Variants in DAB2IP observed in about 807,000 individuals in gnomAD.
DAB2IP encodes the protein DAB2 interacting protein, also known as disabled homolog 2-interacting protein.
DAB2IP carries 28 observed loss-of-function variants against 107.2 expected under a neutral mutation model. The observed-to-expected ratio is 0.26, with a 90% CI of 0.19 to 0.36. The LOEUF (loss-of-function observed/expected upper bound fraction) is 0.36. Ranked by LOEUF, DAB2IP falls within the 10% of genes least tolerant of loss-of-function variation. The pLI is 1.00. For synonymous variants in DAB2IP, 755 were observed against 706.4 expected, an observed-to-expected ratio of 1.07 and a Z score of -1.09; for missense variants, 1,400 against 1,644.7, an observed-to-expected ratio of 0.85 and a Z score of 2.57.
At chr9:121,683,696 G>C (rs1828713460) in intron 2 of DAB2IP, among the ~76,000 whole-genome samples, 2 of 152,170 alleles carry the variant, frequency 1.3e-5, no homozygotes. Context: ...ACTTTTATTG[G>C]TGCTTGGTTG....
rs1350687447 is a variant in DAB2IP, at chr9:121,635,912, G to A, written c.41-42766G>A. On this transcript the variant is annotated intron_variant, in intron 1 of 16. Coordinates refer to the DAB2IP transcript ENST00000259371. This position sits in a 1 kb window ranked among gnomAD's most constrained non-coding sequence, Gnocchi z 4.3. ...CCTGTTTAGATGTCTTTTTTGGGGG[G>A]GGGTCTGGGGGATGGAGTCTTGCTC... Among the ~76,000 whole-genome samples the A allele has an allele frequency of 6.6e-6, 1 of 152,038 alleles. No individual in the cohort carries two copies. Among genetic ancestry groups the A allele is most frequent in the African/African-American group, 2.4e-5 (1 of 41,406 alleles).
intron 11 of DAB2IP, among the ~76,000 whole-genome samples, chr9:121,771,401 G>A (rs1834720914): frequency 6.6e-6 from 1 of 152,198 alleles, no homozygotes; most frequent in South Asian, 2.1e-4. Context: ...GGCCGCAGCT[G>A]TAGCAGCAGA....
At chr9:121,716,620 C>T (rs761795459) in intron 3 of DAB2IP, among the ~76,000 whole-genome samples, 4 of 152,212 alleles carry the variant, frequency 2.6e-5, no homozygotes, top group Non-Finnish European at 5.9e-5. Context: ...CCCGTCCCAG[C>T]ACCCCAGTGT....
chr9:121,666,964 G>C (rs1310796644), intron 1 of DAB2IP, among the ~76,000 whole-genome samples: 1 of 151,118 alleles, frequency 6.6e-6, no homozygotes, highest in East Asian at 2.0e-4. Flanking sequence ...ACAGCTCTTC[G>C]TCTGGAAAGT....
intron 2 of DAB2IP, among the ~76,000 whole-genome samples, chr9:121,683,577 T>C (rs989473342): frequency 2.0e-5 from 3 of 152,118 alleles, no homozygotes; most frequent in African/African-American, 7.2e-5. Context: ...GAAGGAGAAG[T>C]GTCAGGGAGG....
At chr9:121,765,094 G>A (rs895031467) in intron 8 of DAB2IP, among the ~76,000 whole-genome samples, 8 of 152,196 alleles carry the variant, frequency 5.3e-5, no homozygotes, top group African/African-American at 1.9e-4. Flanking sequence ...CCTCAAGATG[G>A]GCCACAAATG....
chr9:121,696,301 C>G (rs1269256300), intron 2 of DAB2IP, among the ~76,000 whole-genome samples: 3 of 152,178 alleles, frequency 2.0e-5, no homozygotes, highest in South Asian at 2.1e-4. Context: ...TGGTTCTTAG[C>G]CACTGGGCTG....
intron 1 of DAB2IP, among the ~76,000 whole-genome samples, chr9:121,587,614 G>GA (rs368945381): frequency 0.045 from 3,920 of 87,832 alleles, 76 homozygotes; most frequent in African/African-American, 0.081. Context: ...GTCTCGAAAA[G>GA]AAAAAAAAAA....
At chr9:121,613,800 T>G (rs1831172041) in intron 1 of DAB2IP, among the ~76,000 whole-genome samples, 1 of 152,230 alleles carries the variant, frequency 6.6e-6, no homozygotes, top group South Asian at 2.1e-4. Context: ...CTTTTAAATA[T>G]TCAGAACAAA....
chr9:121,764,790 C>T (rs1834151265), intron 8 of DAB2IP, among the ~76,000 whole-genome samples: 1 of 152,238 alleles, frequency 6.6e-6, no homozygotes, highest in Non-Finnish European at 1.5e-5. Context: ...GCACCTTCCC[C>T]TGCATACACT....
intron 1 of DAB2IP, among the ~76,000 whole-genome samples, chr9:121,661,666 C>T (rs1034915804): frequency 8.5e-5 from 13 of 152,246 alleles, no homozygotes; most frequent in Admixed American, 6.5e-4. Context: ...CCTCCATCTA[C>T]ATGAAACAAC....
chr9:121,776,284 G>A lies in DAB2IP; in HGVS notation c.3207G>A (p.Thr1069=), dbSNP rs147553080. Residue 1069 remains threonine, a synonymous_variant, in exon 14 of 16, where the codon ACG becomes ACA. Transcript: ENST00000408936. The surrounding 1 kb of genome is among the most constrained non-coding windows in gnomAD (Gnocchi z 5.4). ...CCCTGTTCAAGTGCCAGGAGGAGAC[G>A]ACGCAGAAGCTGGTGCTGGAGTACC... The A allele has an allele frequency of 1.6e-4, 260 of 1,581,448 alleles. No homozygotes were observed. The highest frequency in any genetic ancestry group is 2.1e-4 in the Non-Finnish European group (239 of 1,163,814).
At chr9:121,631,898 G>A (rs1831901368) in intron 1 of DAB2IP, among the ~76,000 whole-genome samples, 1 of 152,100 alleles carries the variant, frequency 6.6e-6, no homozygotes, top group Non-Finnish European at 1.5e-5. Context: ...GCAGGGAGCA[G>A]GGCAGGTTTG....
In DAB2IP at chr9:121,772,595, G is replaced by A; in HGVS notation, c.2079-12G>A. ...TCCCCTTCTTTCCCTGTGTGTGCTT[G>A]TCTCCCTGCAGTCTGATAGATTTCA... On this transcript the variant is annotated splice_polypyrimidine_tract_variant and intron_variant, in intron 11 of 15. Transcript: ENST00000408936. The surrounding 1 kb of genome is among the most constrained non-coding windows in gnomAD (Gnocchi z 4.7). 6.2e-7 allele frequency: 1 copy of A among 1,604,468 alleles called. No individual in the cohort carries two copies. The highest frequency in any genetic ancestry group is 8.5e-7 in the Non-Finnish European group (1 of 1,173,868).
intron 1 of DAB2IP, among the ~76,000 whole-genome samples, chr9:121,654,559 G>A (rs1189670451): frequency 6.6e-6 from 1 of 152,118 alleles, no homozygotes; most frequent in African/African-American, 2.4e-5. Context: ...TCCTTGGTGG[G>A]AGGCAGCTAG....
chr9:121,735,507 T>C (rs1462966766), intron 3 of DAB2IP, among the ~76,000 whole-genome samples: 3 of 152,236 alleles, frequency 2.0e-5, no homozygotes, highest in African/African-American at 7.2e-5. Context: ...TGCCAAGGAC[T>C]GACCTGGGGT....
intron 1 of DAB2IP, among the ~76,000 whole-genome samples, chr9:121,601,766 G>C (rs1830689384): frequency 6.6e-6 from 1 of 152,178 alleles, no homozygotes; most frequent in African/African-American, 2.4e-5. Flanking sequence ...GAGAGGTTAA[G>C]GGACTTACCC....
chr9:121,616,620 C>T (rs1257754380), intron 1 of DAB2IP, among the ~76,000 whole-genome samples: 1 of 152,142 alleles, frequency 6.6e-6, no homozygotes, highest in Non-Finnish European at 1.5e-5. Context: ...TGCATGGGAG[C>T]GCTCCTGACT....
At chr9:121,572,971 G>A (rs1829983038) in intron 1 of DAB2IP, among the ~76,000 whole-genome samples, 1 of 152,172 alleles carries the variant, frequency 6.6e-6, no homozygotes, top group Non-Finnish European at 1.5e-5. Context: ...GTGGATGTGA[G>A]TTTGTAAACT....
Sources: gnomAD v4.1 joint callset for allele counts (sites outside exome capture counted in the v4.1 genomes callset) on GRCh38, gnomAD v4.1.1 for gene constraint, Gnocchi (gnomAD v3.1) non-coding constraint, MANE v1.5 for transcripts, NCBI Gene and HGNC (gene_info 2026-07-23, HGNC 2026-07-21) for gene names.